BAZ2B: variants seen among roughly 807,000 people sequenced by gnomAD.
BAZ2B encodes the protein bromodomain adjacent to zinc finger domain 2B.
In BAZ2B, 91 loss-of-function variants were observed where a neutral mutation model predicts 246.0. That is an observed-to-expected ratio of 0.37 (90% CI 0.31 to 0.44). The LOEUF is 0.44. Among genes scored for constraint, BAZ2B ranks in the 20% least tolerant of loss-of-function variants. The probability of loss-of-function intolerance (pLI) is 1.00; values close to 1 mark genes in which losing one functional copy is unlikely to be tolerated. For missense variants in BAZ2B, 2,332 were observed against 2,533.7 expected (o/e 0.92, Z 1.71); for synonymous variants, 855 against 860.0 (o/e 0.99, Z 0.10).
chr2:159,328,118 T>C (rs1290187294), intron 34 of BAZ2B, among the ~76,000 whole-genome samples: 2 of 139,710 alleles, frequency 1.4e-5, no homozygotes, highest in Admixed American at 1.4e-4. Context: ...AATCACAGAA[T>C]CAAAAAACTT....
At chr2:159,337,238 G>C (rs911080934) in intron 32 of BAZ2B, among the ~76,000 whole-genome samples, 161 bp from the exon 33 acceptor site, 2 of 152,174 alleles carry the variant, frequency 1.3e-5, no homozygotes, top group Non-Finnish European at 2.9e-5. Context: ...ACAGACTGTG[G>C]CTACGTGCCT....
intron 28 of BAZ2B, 22 bp downstream of exon 28, chr2:159,349,686 A>T (rs759695010): frequency 1.9e-6 from 3 of 1,572,714 alleles, no homozygotes; most frequent in Non-Finnish European, 2.6e-6. Context: ...TATAAAAATG[A>T]GTTACAGTTA....
At chr2:159,676,952 TTATATATATATATATATATATATA>T in the BAZ2B span, among the ~76,000 whole-genome samples, 137 of 117,818 alleles carry the variant, frequency 1.2e-3, 2 homozygotes, top group Middle Eastern at 0.057. Context: ...AATAGTTTTG[TTATATATATATATATATATATATA>T]TATATATATA....
rs941004061 is a variant in BAZ2B, at chr2:159,505,963, A to G, written c.-2-27242T>C. On this transcript the variant is annotated intron_variant, in intron 2 of 36. Transcript: ENST00000392783. ...TATAAACTATCTACCCGGTGTCCAG[A>G]TGAGCACTCAGGATGAGAGGTAACA... 2.0e-5 allele frequency among the ~76,000 whole-genome samples: 3 copies of G among 152,210 alleles called. No individual in the cohort carries two copies. In the East Asian group the frequency reaches 5.8e-4, roughly 29 times the overall value.
At chr2:159,606,108 T>G (rs2151791508) in intron 1 of BAZ2B, among the ~76,000 whole-genome samples, 1 of 152,332 alleles carries the variant, frequency 6.6e-6, no homozygotes, top group South Asian at 2.1e-4. Context: ...GCACAGAAAT[T>G]TAATGCTAAA....
chr2:159,610,774 T>C (rs1184931029), intron 1 of BAZ2B, among the ~76,000 whole-genome samples: 2 of 152,088 alleles, frequency 1.3e-5, no homozygotes, highest in Non-Finnish European at 1.5e-5. Flanking sequence ...TTAAAACAAA[T>C]TGAAATACTC....
chr2:159,621,557 A>G (rs934814519), upstream of BAZ2B, among the ~76,000 whole-genome samples: 61 of 152,264 alleles, frequency 4.0e-4, no homozygotes, highest in African/African-American at 1.4e-3. Context: ...GCACTGGCAC[A>G]TGAATAAAAA....
chr2:159,690,597 T>C, the BAZ2B span, among the ~76,000 whole-genome samples: 5 of 152,200 alleles, frequency 3.3e-5, no homozygotes, highest in Admixed American at 1.3e-4. Flanking sequence ...AGTTTTACCA[T>C]TGATTTTCTA....
intron 2 of BAZ2B, among the ~76,000 whole-genome samples, chr2:159,527,970 T>C (rs563483137): frequency 6.6e-6 from 1 of 152,292 alleles, no homozygotes; most frequent in South Asian, 2.1e-4. Flanking sequence ...AAAAGGACTA[T>C]ATACACACCT....
chr2:159,400,919 C>G (rs1276709134), intron 16 of BAZ2B, among the ~76,000 whole-genome samples: 3 of 152,134 alleles, frequency 2.0e-5, no homozygotes, highest in Non-Finnish European at 2.9e-5. Context: ...TGGCGGGCAC[C>G]TGTAGTCCCA....
intron 21 of BAZ2B, among the ~76,000 whole-genome samples, chr2:159,388,171 T>C (rs1213424908): frequency 1.3e-5 from 2 of 151,976 alleles, no homozygotes; most frequent in Non-Finnish European, 2.9e-5. Flanking sequence ...AATCAAGAGA[T>C]AATCATTATT....
intron 3 of BAZ2B, among the ~76,000 whole-genome samples, chr2:159,467,195 A>G (rs1037937879): frequency 6.6e-6 from 1 of 152,232 alleles, no homozygotes; most frequent in African/African-American, 2.4e-5. Context: ...TTGAGAAGGC[A>G]GGCAGGATTA....
At chr2:159,668,997 A>C in the BAZ2B span, among the ~76,000 whole-genome samples, 1 of 152,108 alleles carries the variant, frequency 6.6e-6, no homozygotes, top group East Asian at 1.9e-4. Flanking sequence ...CAGAGGTTGC[A>C]GTGAGCTGAG....
chr2:159,635,381 T>A, the BAZ2B span, among the ~76,000 whole-genome samples: 1 of 151,326 alleles, frequency 6.6e-6, no homozygotes, highest in East Asian at 1.9e-4. Flanking sequence ...ATAAAAAAAA[T>A]AACAAAACCC....
chr2:159,419,018 C>G (rs905331111), intron 13 of BAZ2B, among the ~76,000 whole-genome samples: 9 of 152,126 alleles, frequency 5.9e-5, no homozygotes, highest in South Asian at 2.1e-4. Context: ...GATCATTTAC[C>G]AAATTGATTT....
the BAZ2B span, among the ~76,000 whole-genome samples, chr2:159,657,955 C>T: frequency 6.6e-6 from 1 of 152,150 alleles, no homozygotes; most frequent in Non-Finnish European, 1.5e-5. Context: ...TAAATAGGCA[C>T]TTCAGTATGA....
chr2:159,571,465 A>T (rs1294009964), intron 1 of BAZ2B, among the ~76,000 whole-genome samples: 1 of 152,124 alleles, frequency 6.6e-6, no homozygotes, highest in Non-Finnish European at 1.5e-5. Context: ...CTCTTATGCT[A>T]AACAGATGAT....
the BAZ2B span, among the ~76,000 whole-genome samples, chr2:159,686,843 C>T: frequency 6.6e-6 from 1 of 152,036 alleles, no homozygotes; most frequent in South Asian, 2.1e-4. Context: ...GAGATCGAGA[C>T]CACCCTGGCT....
intron 16 of BAZ2B, among the ~76,000 whole-genome samples, chr2:159,402,970 T>G (rs2065319932): frequency 6.6e-6 from 1 of 152,198 alleles, no homozygotes; most frequent in Admixed American, 6.5e-5. Context: ...TCTCAGAAAG[T>G]AAATATTTTG....
Sources: gnomAD v4.1 joint callset for allele counts (sites outside exome capture counted in the v4.1 genomes callset) on GRCh38, gnomAD v4.1.1 for gene constraint, MANE v1.5 for transcripts, NCBI Gene and HGNC (gene_info 2026-07-23, HGNC 2026-07-21) for gene names.